Variants in AOPEP observed in about 807,000 individuals in gnomAD.
AOPEP encodes the protein aminopeptidase O (putative).
In AOPEP, 77 loss-of-function variants were observed where a neutral mutation model predicts 98.1. The observed-to-expected ratio is 0.78, with a 90% CI of 0.65 to 0.95. The LOEUF (loss-of-function observed/expected upper bound fraction) is 0.95, where lower values mean the gene tolerates loss of function less well. Ranked by LOEUF, AOPEP falls within the 40% of genes least tolerant of loss-of-function variation. The pLI, the probability that AOPEP is intolerant of heterozygous loss-of-function variation, is 0.00. For synonymous variants in AOPEP, 346 were observed against 365.3 expected (o/e 0.95, Z 0.60); for missense variants, 1,024 against 1,024.7 (o/e 1.00, Z 0.01).
intron 5 of AOPEP, chr9:94,900,451 G>A (rs1485092828): frequency 1.3e-5 from 2 of 152,108 alleles, no homozygotes; most frequent in Non-Finnish European, 1.5e-5. Flanking sequence ...TCAGCCCTTC[G>A]GGAGGTGAGT....
Position 94,739,487 on chromosome 9 carries a change from A to G in AOPEP, c.-136+12736A>G, listed in dbSNP as rs536844612. On this transcript the variant is annotated intron_variant, in intron 1 of 16. Transcript: ENST00000375315. The stretch of plus-strand genomic sequence containing the variant: ...TGGTGAAACCCTGTCTCTACTAAAA[A>G]TACAAAAATTAGCCAGGCGTGGTGG... Among the ~76,000 whole-genome samples the G allele has an allele frequency of 2.0e-5, 3 of 152,106 alleles. No homozygotes were observed. In the East Asian group the frequency reaches 5.8e-4, roughly 30 times the overall value.
intron 10 of AOPEP, among the ~76,000 whole-genome samples, chr9:94,977,420 C>G (rs975571833): frequency 1.3e-5 from 2 of 152,130 alleles, no homozygotes; most frequent in African/African-American, 4.8e-5. Context: ...CTCGGATCTT[C>G]TTCATTGGTG....
intron 13 of AOPEP, among the ~76,000 whole-genome samples, chr9:95,025,387 T>C (rs926367962): frequency 6.6e-6 from 1 of 152,232 alleles, no homozygotes; most frequent in African/African-American, 2.4e-5. Context: ...GCTACTTCCT[T>C]GTCCACAGCA....
At chr9:95,039,987 C>T (rs1290880353) in intron 13 of AOPEP, among the ~76,000 whole-genome samples, 1 of 152,186 alleles carries the variant, frequency 6.6e-6, no homozygotes, top group Admixed American at 6.5e-5. Flanking sequence ...GAATTTAATT[C>T]TGGGAACATA....
Position 94,937,421 on chromosome 9 carries a change from C to T in AOPEP, c.1661+8890C>T, listed in dbSNP as rs892375760. Among the ~76,000 whole-genome samples the T allele has an allele frequency of 3.3e-5, 5 of 152,324 alleles. No individual in the cohort carries two copies. In the South Asian group the frequency reaches 8.3e-4, roughly 25 times the overall value. On this transcript the variant is annotated intron_variant, in intron 7 of 16. Coordinates refer to ENST00000375315, the MANE Select transcript of AOPEP (RefSeq NM_001193329.3). ...TGCTCTTCCTAAAGGACACTAGTCA[C>T]ATTGGAATAGGCCCACCCTGACAGC...
At chr9:95,007,783 A>C (rs1319884388) in intron 13 of AOPEP, among the ~76,000 whole-genome samples, 1 of 152,196 alleles carries the variant, frequency 6.6e-6, no homozygotes, top group African/African-American at 2.4e-5. Context: ...GAGCTTGCTG[A>C]GGCAAAACAT....
At chr9:94,932,410 A>C (rs958438702) in intron 7 of AOPEP, 2 of 319,836 alleles carry the variant, frequency 6.3e-6, no homozygotes, top group African/African-American at 4.5e-5. Context: ...ACAGCTTTCC[A>C]TTTGTGCCTT....
chr9:94,897,729 G>A (rs1378848064), intron 5 of AOPEP, among the ~76,000 whole-genome samples: 1 of 151,968 alleles, frequency 6.6e-6, no homozygotes, highest in African/African-American at 2.4e-5. Flanking sequence ...TAACTCATTA[G>A]TAAAGCTGGC....
chr9:95,026,500 G>A (rs2133282350), intron 13 of AOPEP, among the ~76,000 whole-genome samples: 1 of 152,362 alleles, frequency 6.6e-6, no homozygotes, highest in East Asian at 1.9e-4. Context: ...GTATTGAGGT[G>A]CATGCATGTC....
intron 7 of AOPEP, chr9:94,933,365 G>C: frequency 1.0e-6 from 1 of 985,388 alleles, no homozygotes; most frequent in Non-Finnish European, 1.2e-6. Context: ...GAAATCTGTT[G>C]TTTTTTTATT....
At chr9:95,065,269 A>G (rs2067758703) in intron 14 of AOPEP, 2 of 152,236 alleles carry the variant, frequency 1.3e-5, no homozygotes. Flanking sequence ...GTCTAAGCGT[A>G]ATAAAGGCAG....
At chr9:94,962,690 T>G (rs1374095864) in intron 9 of AOPEP, among the ~76,000 whole-genome samples, 1 of 152,074 alleles carries the variant, frequency 6.6e-6, no homozygotes, top group East Asian at 1.9e-4. Context: ...ATCCTTTCCC[T>G]TCCAAATGCC....
chr9:94,775,651 C>T (rs1390972730), intron 3 of AOPEP, among the ~76,000 whole-genome samples: 1 of 152,084 alleles, frequency 6.6e-6, no homozygotes, highest in Non-Finnish European at 1.5e-5. Context: ...AGGTGTGAGC[C>T]ACTGCGCCCA....
At chr9:95,016,148 C>G (rs185947369) in intron 13 of AOPEP, among the ~76,000 whole-genome samples, 4 of 151,360 alleles carry the variant, frequency 2.6e-5, no homozygotes, top group Non-Finnish European at 5.9e-5. Flanking sequence ...TTTTTCCCCC[C>G]ACGGTAAACC....
intron 13 of AOPEP, among the ~76,000 whole-genome samples, chr9:95,016,305 C>T (rs565381433): frequency 7.6e-5 from 11 of 144,650 alleles, no homozygotes; most frequent in African/African-American, 2.3e-4. Context: ...TGCAGTGGCG[C>T]GATCTTGGCC....
intron 7 of AOPEP, among the ~76,000 whole-genome samples, chr9:94,949,855 G>A (rs1024590711): frequency 7.2e-5 from 11 of 152,190 alleles, no homozygotes; most frequent in Non-Finnish European, 1.6e-4. Context: ...TTCGTGGAGC[G>A]GTGTAGACCA....
intron 1 of AOPEP, among the ~76,000 whole-genome samples, chr9:94,749,769 T>G (rs1442244815): frequency 1.3e-5 from 2 of 152,246 alleles, no homozygotes; most frequent in Admixed American, 1.3e-4. Context: ...AGTTCATGTA[T>G]TACAGCATTT....
At chr9:95,054,363 G>A (rs1476478460) in intron 13 of AOPEP, among the ~76,000 whole-genome samples, 1 of 152,152 alleles carries the variant, frequency 6.6e-6, no homozygotes, top group Non-Finnish European at 1.5e-5. Flanking sequence ...TGTTTATGAT[G>A]CTTCCAACAT....
chr9:95,149,211 A>G, the AOPEP span, among the ~76,000 whole-genome samples: 1 of 152,208 alleles, frequency 6.6e-6, no homozygotes, highest in African/African-American at 2.4e-5. Flanking sequence ...ATAAATATTA[A>G]TAAGGGTTTA....
Sources: allele counts gnomAD v4.1 joint callset (sites outside exome capture counted in the v4.1 genomes callset), GRCh38; gene constraint gnomAD v4.1.1; transcripts MANE v1.5; gene names NCBI Gene and HGNC (gene_info 2026-07-23, HGNC 2026-07-21).